GAK: variants seen among roughly 807,000 people sequenced by gnomAD.
The protein encoded by GAK is cyclin-G-associated kinase.
In GAK, 79 loss-of-function variants were observed where a neutral mutation model predicts 143.9. That is an observed-to-expected ratio of 0.55 (90% confidence interval 0.46 to 0.66). The LOEUF is 0.66. Among genes scored for constraint, GAK ranks in the 30% least tolerant of loss-of-function variants. GAK has a pLI of 0.00. For missense variants in GAK, 1,693 were observed against 1,779.7 expected (o/e 0.95, Z 0.88); for synonymous variants, 881 against 765.5 (o/e 1.15, Z -2.49).
chr4:889,621 C>T (rs1252572688), intron 10 of GAK, among the ~76,000 whole-genome samples: 2 of 152,166 alleles, frequency 1.3e-5, no homozygotes, highest in Non-Finnish European at 2.9e-5. Context: ...CTGCACGGAC[C>T]GGGGTGCCCC....
intron 1 of GAK, among the ~76,000 whole-genome samples, chr4:925,222 A>C (rs1279156769): frequency 6.6e-6 from 1 of 151,538 alleles, no homozygotes; most frequent in Non-Finnish European, 1.5e-5. Flanking sequence ...AATAAAACAA[A>C]CCCCCAGGGG....
At chr4:863,927 G>A (rs142890842) in intron 23 of GAK, among the ~76,000 whole-genome samples, 165 of 152,336 alleles carry the variant, frequency 1.1e-3, no homozygotes, top group African/African-American at 3.8e-3. Context: ...GGAGGCTGAG[G>A]CAGGAGAATC....
chr4:923,321 G>A (rs1383212137), intron 1 of GAK, among the ~76,000 whole-genome samples: 1 of 152,000 alleles, frequency 6.6e-6, no homozygotes, highest in Non-Finnish European at 1.5e-5. Flanking sequence ...TGGCATGTCG[G>A]GTACCTCCAA....
At position 859,859 on chromosome 4, in the gene GAK, C is replaced by T. The variant is rs951481048; in HGVS notation, c.3167-137G>A. ...AGCTGGCACCTGCATGGCTTGCGTG[C>T]ACGAGACCAGCCAGGACAGAGGTGT... On this transcript the variant is annotated intron_variant, in intron 23 of 27. Coordinates refer to ENST00000314167, the MANE Select transcript of GAK (RefSeq NM_005255.4). The T allele has an allele frequency of 4.1e-5, 27 of 658,414 alleles. No homozygotes were observed. In the African/African-American group the frequency reaches 4.3e-4, roughly 11 times the overall value. The allele number at this position is 658,414 out of a possible 1,614,324, so 40.8% of individuals were successfully genotyped here.
Position 883,450 on chromosome 4 carries a change from T to C in GAK, c.1269A>G (p.Pro423=). The C allele has an allele frequency of 6.2e-7, 1 of 1,613,562 alleles. No homozygotes were observed. Among genetic ancestry groups the C allele is most frequent in the Non-Finnish European group, 8.5e-7 (1 of 1,179,996 alleles). The change falls in exon 13 of 28, where the codon CCA becomes CCG. Residue 423 remains proline (P), a synonymous_variant. Transcript: ENST00000314167. ...ITSRIAVMSF[P]AEGVESALKN... is the part of the protein sequence containing the mutation. ...TGAGCGCTGACTCCACACCTTCTGCTGGGAATGACATCACTGAAACAAGCA... is the reference window on the plus strand; with the variant it reads ...TGAGCGCTGACTCCACACCTTCTGCCGGGAATGACATCACTGAAACAAGCA...
In GAK at chr4:867,353, C is replaced by G. The variant is rs771328115; in HGVS notation, c.2475G>C (p.Glu825Asp). ...SESALMEDRD[E>D]SEVSDEGGSP... is the part of the protein sequence containing the mutation. Reference sequence around the variant, plus strand: ...ATCCCCCTTCATCTGACACCTCACTCTCGTCTCTGTCCTCCATCAGGGCAG... The same window carrying G: ...ATCCCCCTTCATCTGACACCTCACTGTCGTCTCTGTCCTCCATCAGGGCAG... Residue 825 changes from glutamate to aspartate, a missense_variant, in exon 21 of 28, where the codon GAG becomes GAC. Around this residue, in one of 2 missense-constraint regions of GAK, gnomAD observed 822 missense variants for 788.7 expected, o/e 1.04. Transcript: ENST00000314167. 6.2e-7 allele frequency: 1 copy of G among 1,603,918 alleles called. No individual in the cohort carries two copies.
chr4:859,846 C>G, intron 23 of GAK, 124 bp from the exon 24 acceptor site: 1 of 718,306 alleles, frequency 1.4e-6, no homozygotes. Context: ...CTGGCACCTG[C>G]ATGGCTTGCG....
intron 11 of GAK, among the ~76,000 whole-genome samples, chr4:884,988 G>A (rs532274396): frequency 6.3e-4 from 96 of 151,746 alleles, no homozygotes; most frequent in South Asian, 1.2e-3. Flanking sequence ...GTCTAAACCC[G>A]CAGAGCAGGT....
chr4:856,297 CCCTGCTCACCACAGCTGCTCACA>C (rs1280535059), intron 24 of GAK, among the ~76,000 whole-genome samples: 15 of 130,150 alleles, frequency 1.2e-4, no homozygotes, highest in Non-Finnish European at 1.7e-4. Context: ...AGCTGCTCAC[CCCTGCTCACCACAGCTGCTCACA>C]CCTGCTCACC....
In GAK at chr4:901,257, C is replaced by A. The variant is rs3755962; in HGVS notation, c.526-3099G>T. ...TGGGTGCCCACGGCTTAGGCACCCC[C>A]ACCCAGGGCACACAGGGAGAGCCAC... On this transcript the variant is annotated intron_variant, in intron 5 of 27. Transcript: ENST00000314167. Among the ~76,000 whole-genome samples the A allele has an allele frequency of 2.6e-5, 4 of 152,132 alleles. No homozygotes were observed. The East Asian group carries it at 7.7e-4, about 29-fold the overall frequency.
intron 11 of GAK, chr4:884,525 C>G (rs4690206): frequency 0.91 from 148,482 of 163,746 alleles, 68,087 homozygotes; most frequent in African/African-American, 0.98. Flanking sequence ...TGTAGCAGTG[C>G]GACTCCAGCA....
At chr4:863,172 T>C (rs918357910) in intron 23 of GAK, among the ~76,000 whole-genome samples, 3 of 152,112 alleles carry the variant, frequency 2.0e-5, no homozygotes, top group East Asian at 1.9e-4. Flanking sequence ...CTTTGAGGAG[T>C]TGAAGACTTC....
At position 898,012 on chromosome 4, in the gene GAK, C is replaced by G. The variant is rs1412801652; in HGVS notation, c.651+21G>C. 1.9e-6 allele frequency: 3 copies of G among 1,605,026 alleles called. No individual in the cohort carries two copies. In the East Asian group the frequency reaches 6.7e-5, roughly 36 times the overall value. ...TGTGGGAAGGGCCAGCTTCCCCCAG[C>G]ATAGGCCCCACTCAGCTCACCTCTT... On this transcript the variant is annotated intron_variant, in intron 6 of 27. Coordinates refer to ENST00000314167, the MANE Select transcript of GAK (RefSeq NM_005255.4).
In GAK at chr4:860,166, A is replaced by G. The variant is rs1400796114; in HGVS notation, c.3167-444T>C. 1.3e-5 allele frequency among the ~76,000 whole-genome samples: 2 copies of G among 152,064 alleles called. 1 individual carries two copies. The highest frequency in any genetic ancestry group is 6.3e-3 in the Middle Eastern group (2 of 316). ...ATCATCCAGGCACGGTGGTTCATGCATGTGGTCCCAGCTACCCAGGGGGGC... is the reference window on the plus strand; with the variant it reads ...ATCATCCAGGCACGGTGGTTCATGCGTGTGGTCCCAGCTACCCAGGGGGGC... On this transcript the variant is annotated intron_variant, in intron 23 of 27. Transcript: ENST00000314167.
chr4:893,692 C>A lies in GAK; in HGVS notation c.877+182G>T, dbSNP rs186925498. 4.0e-5 allele frequency among the ~76,000 whole-genome samples: 6 copies of A among 150,740 alleles called. No individual in the cohort carries two copies. In the East Asian group the frequency reaches 1.2e-3, roughly 30 times the overall value. On this transcript the variant is annotated intron_variant, in intron 8 of 27. Transcript: ENST00000314167. ...ACCACTCAGAGCACCGCAAATTCAC[C>A]AGCGGGGTGGGCGGCAGGGGAGCTC...
intron 27 of GAK, 59 bp from the exon 28 acceptor site, chr4:849,833 G>GTGGGGGGGGC: frequency 8.4e-7 from 1 of 1,190,156 alleles, no homozygotes; most frequent in Non-Finnish European, 1.2e-6. Context: ...GGCGGGGCAG[G>GTGGGGGGGGC]ACCCCCCCCC....
intron 1 of GAK, 50 bp downstream of exon 1, chr4:931,993 C>G: frequency 3.0e-6 from 4 of 1,338,066 alleles, no homozygotes; most frequent in Non-Finnish European, 2.1e-6. Context: ...CCCAGCGTCC[C>G]GGAGACAACA....
rs749986894 is a variant in GAK at position 851,919 on chromosome 4, G to A, written c.3339C>T (p.Pro1113=). 7 of 1,613,612 alleles carry A rather than the reference G, an allele frequency of 4.3e-6. No individual in the cohort carries two copies. Among genetic ancestry groups the A allele is most frequent in the Non-Finnish European group, 5.1e-6 (6 of 1,179,642 alleles). Residue 1113 remains proline, a synonymous_variant, in exon 25 of 28, where the codon CCC becomes CCT. Transcript: ENST00000314167. ...TTGTCTGCCAGGAGCTGCTGCCTTTGGGCGTGGTGGCCGTTTTGGGAATGA... is the reference window on the plus strand; with the variant it reads ...TTGTCTGCCAGGAGCTGCTGCCTTTAGGCGTGGTGGCCGTTTTGGGAATGA... ...GGFIPKTATT[P]KGSSSWQTSR...
At chr4:885,606 G>A (rs1305347266) in intron 11 of GAK, among the ~76,000 whole-genome samples, 3 of 152,174 alleles carry the variant, frequency 2.0e-5, no homozygotes, top group Non-Finnish European at 4.4e-5. Flanking sequence ...GGATGCTGAC[G>A]GGACAGAAAC....
Sources: gnomAD v4.1 joint callset for allele counts (sites outside exome capture counted in the v4.1 genomes callset) on GRCh38, gnomAD v4.1.1 for gene constraint, gnomAD v4.1.1 regional missense constraint, MANE v1.5 for transcripts, NCBI Gene and HGNC (gene_info 2026-07-23, HGNC 2026-07-21) for gene names.